Variants in PTPRF observed in about 807,000 individuals in gnomAD.
PTPRF encodes protein tyrosine phosphatase receptor type F.
PTPRF carries 59 observed loss-of-function variants against 201.8 expected under a neutral mutation model. The observed-to-expected ratio is 0.29, with a 90% CI of 0.24 to 0.36. The LOEUF is 0.36. Ranked by LOEUF, PTPRF falls within the 10% of genes least tolerant of loss-of-function variation. The pLI is 1.00. For missense variants in PTPRF, 2,132 were observed against 2,690.5 expected (o/e 0.79, Z 4.59); for synonymous variants, 1,088 against 1,089.7 (o/e 1.00, Z 0.03).
intron 23 of PTPRF, among the ~76,000 whole-genome samples, chr1:43,615,788 G>A (rs573106827): frequency 1.9e-4 from 29 of 151,978 alleles, no homozygotes; most frequent in East Asian, 5.8e-4. Flanking sequence ...GGATGGTCTC[G>A]ATCTCCTGAC....
At chr1:43,601,380 C>T (rs970916153) in intron 13 of PTPRF, among the ~76,000 whole-genome samples, 2 of 152,362 alleles carry the variant, frequency 1.3e-5, no homozygotes, top group Admixed American at 6.5e-5. Flanking sequence ...GAGGAAGGAA[C>T]GGGTATAGGT....
intron 33 of PTPRF, 123 bp from the exon 34 acceptor site, chr1:43,621,812 C>T (rs1253032865): frequency 2.2e-6 from 2 of 914,528 alleles, no homozygotes; most frequent in Non-Finnish European, 1.7e-6. Context: ...GATGTAGCTG[C>T]CAGGGTCCAG....
intron 33 of PTPRF, among the ~76,000 whole-genome samples, chr1:43,621,606 GCT>G (rs1659233261): frequency 1.3e-5 from 2 of 152,234 alleles, no homozygotes; most frequent in South Asian, 4.1e-4. Flanking sequence ...TCATTCGGCA[GCT>G]CTCTGCTGAG....
chr1:43,576,627 C>T (rs929470075), intron 6 of PTPRF, among the ~76,000 whole-genome samples: 2 of 152,264 alleles, frequency 1.3e-5, no homozygotes, highest in Admixed American at 6.5e-5. Flanking sequence ...TCTGACTTAC[C>T]ACCTATGTGA....
At chr1:43,615,337 C>T (rs1292053142) in intron 23 of PTPRF, among the ~76,000 whole-genome samples, 1 of 152,298 alleles carries the variant, frequency 6.6e-6, no homozygotes, top group South Asian at 2.1e-4. Flanking sequence ...TCATCTGTAC[C>T]ATGTCCTACA....
chr1:43,524,042 G>A (rs1643023627), upstream of PTPRF, among the ~76,000 whole-genome samples: 1 of 105,106 alleles, frequency 9.5e-6, no homozygotes, highest in Admixed American at 1.5e-4. Flanking sequence ...GCCAAAGCGA[G>A]ACTCTGTCAA....
At chr1:43,581,736 C>T (rs1191603758) in intron 7 of PTPRF, among the ~76,000 whole-genome samples, 1 of 152,244 alleles carries the variant, frequency 6.6e-6, no homozygotes, top group Admixed American at 6.5e-5. Context: ...CAGTGCCAGC[C>T]TGCTTTCTGG....
intron 16 of PTPRF, 124 bp downstream of exon 16, chr1:43,604,313 C>G: frequency 1.0e-6 from 1 of 997,054 alleles, no homozygotes; most frequent in African/African-American, 1.6e-5. Flanking sequence ...CCTCCAATCT[C>G]TCATGACTGT....
rs1420797332 is a variant in PTPRF at position 43,613,713 on chromosome 1, G to A, written c.4069G>A (p.Glu1357Lys). Residue 1357 changes from glutamate to lysine, a missense_variant and splice_region_variant, in exon 23 of 34, where the codon GAG becomes AAG. Physicochemically the swap from Glu to Lys is moderately conservative, Grantham distance 56. Around this residue, in one of 6 missense-constraint regions of PTPRF, gnomAD observed 818 missense variants for 915.3 expected, o/e 0.89. Coordinates refer to ENST00000359947, the MANE Select transcript of PTPRF (RefSeq NM_002840.5). Reference sequence around the variant, plus strand: ...TGGCCTCAAGTTCTCCCAGGAGTATGAGGTGAGATGTTCCCGCCCCCTACC... The same window carrying A: ...TGGCCTCAAGTTCTCCCAGGAGTATAAGGTGAGATGTTCCCGCCCCCTACC... ...NDGLKFSQEY[E>K]SIDPGQQFTW... 1 of 1,613,418 alleles carries A rather than the reference G, an allele frequency of 6.2e-7. No homozygotes were observed. The highest frequency in any genetic ancestry group is 8.5e-7 in the Non-Finnish European group (1 of 1,179,318).
chr1:43,559,017 T>C (rs1195703755), intron 5 of PTPRF, among the ~76,000 whole-genome samples: 1 of 152,172 alleles, frequency 6.6e-6, no homozygotes, highest in African/African-American at 2.4e-5. Flanking sequence ...AGAGATGAGC[T>C]GTTTTGGACT....
chr1:43,574,140 G>A (rs905979022), intron 6 of PTPRF, among the ~76,000 whole-genome samples: 1 of 151,770 alleles, frequency 6.6e-6, no homozygotes, highest in East Asian at 1.9e-4. Flanking sequence ...GGGATTACAA[G>A]CATGAGTCAC....
Position 43,605,526 on chromosome 1 carries a change from C to T in PTPRF, c.3390-3C>T, listed in dbSNP as rs368315364. On this transcript the variant is annotated splice_region_variant and splice_polypyrimidine_tract_variant and intron_variant, in intron 18 of 33. Transcript: ENST00000359947. ...AGTCCTGATTCCTGCCCTGCCCACC[C>T]AGGTGGTTCTACATTGTTGTGGTGC... 1.7e-5 allele frequency: 27 copies of T among 1,613,992 alleles called. No homozygotes were observed. The African/African-American group carries it at 3.3e-4, about 20-fold the overall frequency.
At chr1:43,572,664 T>G (rs1646654441) in intron 6 of PTPRF, among the ~76,000 whole-genome samples, 1 of 152,190 alleles carries the variant, frequency 6.6e-6, no homozygotes, top group Non-Finnish European at 1.5e-5. Flanking sequence ...ACTCAGCTGT[T>G]TACCGGGACC....
At chr1:43,576,074 G>A (rs1356600535) in intron 6 of PTPRF, 6 of 619,794 alleles carry the variant, frequency 9.7e-6, no homozygotes, top group South Asian at 1.5e-5. Flanking sequence ...CAACACCACC[G>A]GCCACCACAC....
In PTPRF at chr1:43,620,080, T is replaced by G. The variant is rs1298697034; in HGVS notation, c.5112-15T>G. On this transcript the variant is annotated splice_polypyrimidine_tract_variant and intron_variant, in intron 29 of 33. Transcript: ENST00000359947. ...AGCAGCACCTCCAGCATGTCCAGTC[T>G]TATGTCCACCCCAGACAGCAGAAGG... 1 of 1,613,826 alleles carries G rather than the reference T, an allele frequency of 6.2e-7. No homozygotes were observed. Among genetic ancestry groups the G allele is most frequent in the Admixed American group, 1.7e-5 (1 of 59,992 alleles).
Position 43,537,501 on chromosome 1 carries a change from C to T in PTPRF, c.-125-697C>T, listed in dbSNP as rs1282950506. Among the ~76,000 whole-genome samples, 6 of 152,166 alleles carry T rather than the reference C, an allele frequency of 3.9e-5. No homozygotes were observed. The highest frequency in any genetic ancestry group is 1.2e-4 in the African/African-American group (5 of 41,438). On this transcript the variant is annotated intron_variant, in intron 1 of 33. Transcript: ENST00000359947. This position sits in a 1 kb window ranked among gnomAD's most constrained non-coding sequence, Gnocchi z 4.8. ...TACTATGTGCCAGCTGTCAGCCAGG[C>T]GCTGGGGATACGGAAATGAGCTGGG...
In PTPRF at chr1:43,603,353, C is replaced by T; in HGVS notation, c.2341-63C>T. ...CCCTCAGGCTAGGGTCCTGAGGTCCCTGACAAGGTCTGGCCTCTCCCTGCA... is the reference window on the plus strand; with the variant it reads ...CCCTCAGGCTAGGGTCCTGAGGTCCTTGACAAGGTCTGGCCTCTCCCTGCA... On this transcript the variant is annotated intron_variant, in intron 14 of 33. Transcript: ENST00000359947. This position sits in a 1 kb window ranked among gnomAD's most constrained non-coding sequence, Gnocchi z 5.8. 6.8e-7 allele frequency: 1 copy of T among 1,480,748 alleles called. No homozygotes were observed. Among genetic ancestry groups the T allele is most frequent in the Non-Finnish European group, 9.4e-7 (1 of 1,059,304 alleles). 91.7% of individuals were successfully genotyped at this position (1,480,748 alleles called of 1,614,324 possible). A position where few individuals can be genotyped will look rare whatever the true frequency, so the allele number is the denominator to read the frequency against.
intron 22 of PTPRF, chr1:43,612,873 TA>T: frequency 8.2e-7 from 1 of 1,214,660 alleles, no homozygotes; most frequent in Non-Finnish European, 1.1e-6. Context: ...TACTTTTGTT[TA>T]CCCCATCGCC....
intron 13 of PTPRF, 80 bp from the exon 14 acceptor site, chr1:43,601,991 G>T: frequency 6.5e-7 from 1 of 1,528,636 alleles, no homozygotes; most frequent in Non-Finnish European, 9.1e-7. Context: ...CCCTGGGCAA[G>T]GTCCCTTCCA....
Sources: gnomAD v4.1 joint callset for allele counts (sites outside exome capture counted in the v4.1 genomes callset) on GRCh38, gnomAD v4.1.1 for gene constraint, gnomAD v4.1.1 regional missense constraint, Gnocchi (gnomAD v3.1) non-coding constraint, MANE v1.5 for transcripts, NCBI Gene and HGNC (gene_info 2026-07-23, HGNC 2026-07-21) for gene names.